Variants in PPIL6 observed in about 807,000 individuals in gnomAD.
The protein encoded by PPIL6 is probable inactive peptidyl-prolyl cis-trans isomerase-like 6.
PPIL6 carries 39 observed loss-of-function variants against 36.8 expected under a neutral mutation model. The ratio of observed to expected loss-of-function variants is 1.06; its 90% CI spans 0.82 to 1.38. PPIL6 has a LOEUF of 1.38. Ranked by LOEUF, PPIL6 falls within the 40% of genes most tolerant of loss-of-function variation. PPIL6 has a pLI of 0.00. For synonymous variants in PPIL6, 123 were observed against 134.1 expected (o/e 0.92, Z 0.57); for missense variants, 368 against 379.1 (o/e 0.97, Z 0.24).
chr6:109,402,784 C>A (rs1406381407), intron 6 of PPIL6, among the ~76,000 whole-genome samples: 1 of 151,824 alleles, frequency 6.6e-6, no homozygotes, highest in Non-Finnish European at 1.5e-5. Flanking sequence ...CTTAAGAACC[C>A]GAGGCTATGC....
intron 6 of PPIL6, among the ~76,000 whole-genome samples, chr6:109,402,068 C>T (rs1201911658): frequency 6.6e-6 from 1 of 151,966 alleles, no homozygotes; most frequent in Non-Finnish European, 1.5e-5. Flanking sequence ...ATTGCTTTTA[C>T]ATATTCTGAT....
chr6:109,440,268 A>T, intron 1 of PPIL6, 188 bp downstream of exon 1: 1 of 731,198 alleles, frequency 1.4e-6, no homozygotes, highest in Non-Finnish European at 2.3e-6. Context: ...CCGGACCCGC[A>T]CTTGCCCCCC....
At position 109,392,732 on chromosome 6, in the gene PPIL6, A is replaced by T; in HGVS notation, c.*94T>A. On this transcript the variant is annotated 3_prime_UTR_variant, in exon 8 of 8. Coordinates refer to ENST00000521072, the MANE Select transcript of PPIL6 (RefSeq NM_173672.5). Reference sequence around the variant, plus strand: ...ACCTACAGTGTCTGCCACGGCTTTCAAATTACAATTTATCAAGTACTTTTT... The same window carrying T: ...ACCTACAGTGTCTGCCACGGCTTTCTAATTACAATTTATCAAGTACTTTTT... 1.2e-6 allele frequency: 1 copy of T among 803,286 alleles called. No individual in the cohort carries two copies. 49.8% of individuals were successfully genotyped at this position (803,286 alleles called of 1,614,324 possible). A position where few individuals can be genotyped will look rare whatever the true frequency, so the allele number is the denominator to read the frequency against.
intron 5 of PPIL6, 109 bp downstream of exon 5, chr6:109,426,738 T>C (rs1176528223): frequency 1.4e-6 from 1 of 724,986 alleles, no homozygotes; most frequent in Non-Finnish European, 2.1e-6. Flanking sequence ...TTTAAATACG[T>C]CTAATTTTAA....
intron 6 of PPIL6, among the ~76,000 whole-genome samples, chr6:109,417,192 A>G (rs1773307309): frequency 1.3e-5 from 2 of 151,882 alleles, no homozygotes; most frequent in South Asian, 2.1e-4. Flanking sequence ...AAAAGAAAAA[A>G]AAAGGTAAAA....
intron 6 of PPIL6, among the ~76,000 whole-genome samples, chr6:109,415,075 G>A (rs1320203488): frequency 6.6e-6 from 1 of 152,152 alleles, no homozygotes; most frequent in African/African-American, 2.4e-5. Context: ...AGGAGGAAGA[G>A]AAGGAGTTGG....
In PPIL6 at chr6:109,401,816, G is replaced by A. The variant is rs574024019; in HGVS notation, c.689-1646C>T. Among the ~76,000 whole-genome samples, 259 of 134,496 alleles carry A rather than the reference G, an allele frequency of 1.9e-3. 1 individual carries two copies. Among genetic ancestry groups the A allele is most frequent in the African/African-American group, 6.5e-3 (222 of 33,934 alleles). The allele number at this position is 134,496 out of a possible 152,430, so 88.2% of individuals were successfully genotyped here. A position where few individuals can be genotyped will look rare whatever the true frequency, so the allele number is the denominator to read the frequency against. The stretch of plus-strand genomic sequence containing the variant: ...CTTGGTTCACTGCAAGCTGCGCCTC[G>A]GGTTCATGCCATTCTCCTGCCTCAG... On this transcript the variant is annotated intron_variant, in intron 6 of 7. Coordinates refer to ENST00000521072, the MANE Select transcript of PPIL6 (RefSeq NM_173672.5).
chr6:109,393,018 C>T (rs997106785), intron 7 of PPIL6, 81 bp from the exon 8 acceptor site: 1 of 742,020 alleles, frequency 1.3e-6, no homozygotes, highest in African/African-American at 1.8e-5. Context: ...GGGGTCCTAC[C>T]CAGCTATAGC....
chr6:109,422,123 G>A (rs1005243860), intron 5 of PPIL6, among the ~76,000 whole-genome samples: 3 of 152,058 alleles, frequency 2.0e-5, no homozygotes, highest in Non-Finnish European at 4.4e-5. Flanking sequence ...TGATCCACCC[G>A]CCTCAGCCTC....
intron 6 of PPIL6, among the ~76,000 whole-genome samples, chr6:109,414,588 A>C (rs1050606601): frequency 2.7e-5 from 4 of 148,036 alleles, no homozygotes; most frequent in African/African-American, 1.0e-4. Context: ...AGGCTCAAGC[A>C]ATCTTCCCAC....
At chr6:109,440,959 G>A (rs568198378), upstream of PPIL6, 4 of 645,806 alleles carry the variant, frequency 6.2e-6, no homozygotes, top group East Asian at 6.0e-5. Flanking sequence ...GGGGAACGCG[G>A]GAGTCGGGCC....
At chr6:109,410,025 C>T (rs149431849) in intron 6 of PPIL6, among the ~76,000 whole-genome samples, 5 of 152,276 alleles carry the variant, frequency 3.3e-5, no homozygotes, top group African/African-American at 9.6e-5. Context: ...CCATCTGCCT[C>T]GTGTAGGGCC....
intron 1 of PPIL6, chr6:109,440,255 C>A: frequency 1.4e-6 from 1 of 695,050 alleles, no homozygotes; most frequent in Non-Finnish European, 2.5e-6. Context: ...GGAACGCCCG[C>A]CCCCGGACCC....
intron 2 of PPIL6, among the ~76,000 whole-genome samples, chr6:109,432,165 G>C (rs1256192630): frequency 6.6e-6 from 1 of 152,138 alleles, no homozygotes; most frequent in African/African-American, 2.4e-5. Flanking sequence ...AAAGGATAGG[G>C]GGTCCAGGTA....
At chr6:109,415,143 G>A (rs1289224026) in intron 6 of PPIL6, among the ~76,000 whole-genome samples, 2 of 152,104 alleles carry the variant, frequency 1.3e-5, no homozygotes, top group Non-Finnish European at 2.9e-5. Flanking sequence ...GGGGAGGCAG[G>A]AAAGGTGGTC....
intron 1 of PPIL6, 64 bp from the exon 2 acceptor site, chr6:109,436,263 C>G (rs1233279531): frequency 2.0e-6 from 2 of 1,013,734 alleles, no homozygotes; most frequent in Admixed American, 3.8e-5. Flanking sequence ...AATCATGTTC[C>G]CCAATTTTTA....
chr6:109,415,352 G>A (rs1227647064), intron 6 of PPIL6, among the ~76,000 whole-genome samples: 1 of 152,168 alleles, frequency 6.6e-6, no homozygotes, highest in Non-Finnish European at 1.5e-5. Context: ...CCGCCAGATT[G>A]TCTAGTGTCA....
intron 6 of PPIL6, among the ~76,000 whole-genome samples, chr6:109,407,486 G>C (rs556714180): frequency 6.6e-6 from 1 of 152,042 alleles, no homozygotes; most frequent in Non-Finnish European, 1.5e-5. Flanking sequence ...TGATCTGCCC[G>C]CCTCGGCCTC....
chr6:109,439,881 T>C (rs1211439672), intron 1 of PPIL6, among the ~76,000 whole-genome samples: 1 of 152,190 alleles, frequency 6.6e-6, no homozygotes, highest in Non-Finnish European at 1.5e-5. Flanking sequence ...TTCTTCCAGT[T>C]TCCTCAAGTG....
Sources: gnomAD v4.1 joint callset for allele counts (sites outside exome capture counted in the v4.1 genomes callset) on GRCh38, gnomAD v4.1.1 for gene constraint, MANE v1.5 for transcripts, NCBI Gene and HGNC (gene_info 2026-07-23, HGNC 2026-07-21) for gene names.